The following MED15 variants were observed in gnomAD, a reference collection of about 807,000 sequenced individuals.
MED15 encodes mediator of RNA polymerase II transcription subunit 15.
A neutral mutation model predicts 118.7 loss-of-function variants in MED15; 41 were observed. The ratio of observed to expected loss-of-function variants is 0.35; its 90% confidence interval spans 0.27 to 0.45. MED15 has a LOEUF of 0.45. MED15 is among the 20% of genes least tolerant of loss of function. The probability of loss-of-function intolerance (pLI) is 1.00; values close to 1 mark genes in which losing one functional copy is unlikely to be tolerated. For synonymous variants in MED15, 436 were observed against 413.9 expected, an observed-to-expected ratio of 1.05 and a Z score of -0.65; for missense variants, 740 against 1,025.5, an observed-to-expected ratio of 0.72 and a Z score of 3.80.
chr22:20,561,868 A>G (rs2056255603), intron 5 of MED15, among the ~76,000 whole-genome samples: 1 of 152,102 alleles, frequency 6.6e-6, no homozygotes, highest in Admixed American at 6.6e-5. Flanking sequence ...TTTAAAAATT[A>G]CCTGTAGGTA....
chr22:20,523,568 G>A, intron 1 of MED15: 1 of 777,714 alleles, frequency 1.3e-6, no homozygotes. Flanking sequence ...CTAAAAGATC[G>A]AGCTTCCCCA....
chr22:20,582,730 G>T lies in MED15; in HGVS notation c.1392G>T (p.Gln464His). ...CGCAGCCCGGCCAGCCCAGCTCACA[G>T]CCCAACTCCAACGTCAGGTAGGCCT... is the stretch of plus-strand genomic sequence containing the variant. ...PSPQPGQPSSQPNSNVSSGPA... is the reference protein window; with the variant it reads ...PSPQPGQPSSHPNSNVSSGPA... The change falls in exon 10 of 18, where the codon CAG becomes CAT. Residue 464 changes from glutamine (Q) to histidine (H), a missense_variant. By Grantham distance (24) the Gln-to-His change is conservative. Transcript: ENST00000263205. 1.9e-6 allele frequency: 3 copies of T among 1,571,006 alleles called. No homozygotes were observed. Among genetic ancestry groups the T allele is most frequent in the Non-Finnish European group, 2.6e-6 (3 of 1,162,948 alleles).
At chr22:20,548,195 CTT>C (rs1488294421) in intron 2 of MED15, among the ~76,000 whole-genome samples, 2 of 151,944 alleles carry the variant, frequency 1.3e-5, no homozygotes, top group African/African-American at 4.8e-5. Flanking sequence ...AGTTTTCACT[CTT>C]GTTGCCCAGG....
chr22:20,544,142 C>A (rs1359434794), intron 2 of MED15, among the ~76,000 whole-genome samples: 1 of 152,142 alleles, frequency 6.6e-6, no homozygotes, highest in East Asian at 1.9e-4. Flanking sequence ...TCGTCATTTC[C>A]TTTAAGGCAG....
chr22:20,551,410 A>C (rs1443998042), intron 2 of MED15, 26 bp from the exon 3 acceptor site: 1 of 1,611,328 alleles, frequency 6.2e-7, no homozygotes, highest in African/African-American at 1.3e-5. Context: ...ATCTGGTATT[A>C]AACTGCTTCC....
chr22:20,587,598 A>G lies in MED15; in HGVS notation c.*894A>G, dbSNP rs2057172497. 2.1e-6 allele frequency: 1 copy of G among 484,550 alleles called. No homozygotes were observed. The highest frequency in any genetic ancestry group is 3.3e-6 in the Non-Finnish European group (1 of 302,740). The allele number at this position is 484,550 out of a possible 1,614,324, so 30.0% of individuals were successfully genotyped here. ...CACTACCCCACCATCTGTGATTATA[A>G]TAAATTTATTATTCCTGTGTTTGTC... On this transcript the variant is annotated 3_prime_UTR_variant, in exon 18 of 18. Transcript: ENST00000263205.
chr22:20,537,296 G>T lies in MED15; in HGVS notation c.156+92G>T, dbSNP rs965142574. The T allele has an allele frequency of 1.9e-5, 21 of 1,111,384 alleles. No individual in the cohort carries two copies. The Admixed American group carries it at 2.0e-4, about 11-fold the overall frequency. The allele number at this position is 1,111,384 out of a possible 1,614,324, so 68.8% of individuals were successfully genotyped here. A position where few individuals can be genotyped will look rare whatever the true frequency, so the allele number is the denominator to read the frequency against. ...GAACCCCTCTGTTGGGTGTCCTAGG[G>T]TGTAGGGGTGGGGTGGTTGCTCATC... On this transcript the variant is annotated intron_variant, in intron 2 of 17. Coordinates refer to ENST00000263205, the MANE Select transcript of MED15 (RefSeq NM_001003891.3).
At chr22:20,564,345 T>G (rs2056353873) in intron 5 of MED15, 105 bp from the exon 6 acceptor site, 1 of 1,538,234 alleles carries the variant, frequency 6.5e-7, no homozygotes, top group African/African-American at 1.4e-5. Flanking sequence ...GCGGCAGCCG[T>G]GGCAGTGGGG....
At chr22:20,536,679 A>G (rs554928154) in intron 1 of MED15, among the ~76,000 whole-genome samples, 1 of 152,220 alleles carries the variant, frequency 6.6e-6, no homozygotes, top group South Asian at 2.1e-4. Context: ...TTCATTTTAT[A>G]GGAGTAATCG....
At chr22:20,511,574 T>C (rs1013918222) in intron 1 of MED15, among the ~76,000 whole-genome samples, 13 of 151,988 alleles carry the variant, frequency 8.6e-5, no homozygotes, top group South Asian at 4.2e-4. Flanking sequence ...ACCAAGAGCC[T>C]AGGGAACAAT....
At chr22:20,538,431 G>A (rs1601518762) in intron 2 of MED15, among the ~76,000 whole-genome samples, 1 of 151,466 alleles carries the variant, frequency 6.6e-6, no homozygotes, top group East Asian at 2.0e-4. Context: ...TTTATTTTTT[G>A]TGGAGACGAG....
At chr22:20,554,864 C>T (rs568992705) in intron 4 of MED15, 72 bp from the exon 5 acceptor site, 49 of 1,428,954 alleles carry the variant, frequency 3.4e-5, no homozygotes, top group East Asian at 3.4e-4. Context: ...GCTCTGTGAG[C>T]CTTACGCCCT....
intron 5 of MED15, among the ~76,000 whole-genome samples, chr22:20,558,838 G>C (rs2056119573): frequency 6.6e-6 from 1 of 152,172 alleles, no homozygotes; most frequent in Non-Finnish European, 1.5e-5. Flanking sequence ...ACCTGTGACA[G>C]TTGCACATTA....
At position 20,583,195 on chromosome 22, in the gene MED15, G is replaced by A. The variant is rs146544127; in HGVS notation, c.1620G>A (p.Ser540=). ...ACCTGGACAAGCTGAAGCAGCTGTC[G>A]AAGTACATCGAGCCCCTGCGCCGCA... is the stretch of plus-strand genomic sequence containing the variant. The part of the protein sequence containing the change: ...QQYLDKLKQL[S]KYIEPLRRMI... The change falls in exon 12 of 18, where the codon TCG becomes TCA. Residue 540 remains serine, a synonymous_variant. Coordinates refer to ENST00000263205, the MANE Select transcript of MED15 (RefSeq NM_001003891.3). 1.4e-4 allele frequency: 221 copies of A among 1,611,812 alleles called. No homozygotes were observed. In the African/African-American group the frequency reaches 2.0e-3, roughly 15 times the overall value.
At chr22:20,563,492 T>A (rs1012743252) in intron 5 of MED15, among the ~76,000 whole-genome samples, 3 of 152,242 alleles carry the variant, frequency 2.0e-5, no homozygotes, top group African/African-American at 7.2e-5. Context: ...TGGAGGATGC[T>A]GCAGTGGTTG....
chr22:20,582,984 G>A lies in MED15; in HGVS notation c.1537+17G>A, dbSNP rs774935285. 3.1e-6 allele frequency: 5 copies of A among 1,610,376 alleles called. 1 individual carries two copies. Among genetic ancestry groups the A allele is most frequent in the South Asian group, 2.2e-5 (2 of 90,682 alleles). ...ACACACCTGGTAAGTTGGGCCTGAG[G>A]TGCTAAGGTCACTCCTCACCTTTAT... On this transcript the variant is annotated intron_variant, in intron 11 of 17. Transcript: ENST00000263205.
chr22:20,519,686 C>G (rs933237705), intron 1 of MED15, among the ~76,000 whole-genome samples: 1 of 152,110 alleles, frequency 6.6e-6, no homozygotes, highest in Non-Finnish European at 1.5e-5. Context: ...AACTTCTGAC[C>G]TCAGGTGATC....
intron 2 of MED15, among the ~76,000 whole-genome samples, chr22:20,542,154 G>C (rs982453165): frequency 2.6e-5 from 4 of 152,178 alleles, no homozygotes; most frequent in African/African-American, 9.7e-5. Flanking sequence ...GTGGAAAACA[G>C]TATGACAGTT....
intron 9 of MED15, among the ~76,000 whole-genome samples, chr22:20,578,068 G>A (rs2146652739): frequency 6.6e-6 from 1 of 152,208 alleles, no homozygotes; most frequent in South Asian, 2.1e-4. Flanking sequence ...GGGACTACAG[G>A]CGCCTGCCAC....
Sources: allele counts gnomAD v4.1 joint callset (sites outside exome capture counted in the v4.1 genomes callset), GRCh38; gene constraint gnomAD v4.1.1; transcripts MANE v1.5; gene names NCBI Gene and HGNC (gene_info 2026-07-23, HGNC 2026-07-21).